ELP4: variants seen among roughly 807,000 people sequenced by gnomAD.
ELP4 encodes elongator acetyltransferase complex subunit 4.
In ELP4, 51 loss-of-function variants were observed where a neutral mutation model predicts 48.9. The ratio of observed to expected loss-of-function variants is 1.04; its 90% CI spans 0.83 to 1.32. The LOEUF is 1.32. Among genes scored for constraint, ELP4 ranks in the 40% most tolerant of loss-of-function variants. The pLI is 0.00. For missense variants in ELP4, 519 were observed against 514.6 expected, an observed-to-expected ratio of 1.01 and a Z score of -0.08; for synonymous variants, 210 against 189.2, an observed-to-expected ratio of 1.11 and a Z score of -0.90.
chr11:31,678,509 G>A (rs199709404), intron 9 of ELP4, among the ~76,000 whole-genome samples: 6,469 of 126,354 alleles, frequency 0.051, 230 homozygotes, highest in East Asian at 0.19. Context: ...GTGTGTGTGT[G>A]TGTGTGTGTG....
At chr11:31,671,308 T>C (rs1308443434) in intron 9 of ELP4, among the ~76,000 whole-genome samples, 2 of 152,060 alleles carry the variant, frequency 1.3e-5, no homozygotes, top group Non-Finnish European at 2.9e-5. Flanking sequence ...AGATCAATTT[T>C]GTAGCTCATT....
chr11:31,673,581 AGCC>A (rs1945855174), intron 9 of ELP4, among the ~76,000 whole-genome samples: 1 of 151,800 alleles, frequency 6.6e-6, no homozygotes, highest in Non-Finnish European at 1.5e-5. Flanking sequence ...CTCCTCCCTC[AGCC>A]TCCCAAAATG....
intron 9 of ELP4, among the ~76,000 whole-genome samples, chr11:31,761,337 C>CA (rs568455581): frequency 0.065 from 7,040 of 108,324 alleles, 160 homozygotes; most frequent in Non-Finnish European, 0.074. Context: ...GGCCCTGTCT[C>CA]AAAAAAAAAA....
At chr11:31,575,499 A>G (rs1432366945) in intron 3 of ELP4, among the ~76,000 whole-genome samples, 1 of 152,154 alleles carries the variant, frequency 6.6e-6, no homozygotes, top group Non-Finnish European at 1.5e-5. Flanking sequence ...CAGACTCACC[A>G]AAGTTGAAAT....
chr11:31,516,029 G>A (rs1956105706), intron 1 of ELP4, among the ~76,000 whole-genome samples: 1 of 151,600 alleles, frequency 6.6e-6, no homozygotes, highest in African/African-American at 2.4e-5. Context: ...GAGAATGGGG[G>A]GTGAAACCAG....
intron 7 of ELP4, chr11:31,633,377 CAAG>C (rs1251193436): frequency 6.6e-6 from 1 of 151,954 alleles, no homozygotes; most frequent in Non-Finnish European, 1.5e-5. Context: ...TCACCTGAGG[CAAG>C]AAGTTCAGCC....
chr11:31,674,200 C>G (rs571301494), intron 9 of ELP4, among the ~76,000 whole-genome samples: 4 of 152,310 alleles, frequency 2.6e-5, no homozygotes, highest in African/African-American at 9.6e-5. Context: ...TGTGTGGAAT[C>G]TCTTGAAATT....
chr11:31,532,026 A>C (rs1035951789), intron 2 of ELP4, among the ~76,000 whole-genome samples: 2 of 152,230 alleles, frequency 1.3e-5, no homozygotes, highest in Admixed American at 1.3e-4. Context: ...GCTAACATTT[A>C]TTGACCACTT....
chr11:31,709,458 G>A (rs1366134683), intron 9 of ELP4, among the ~76,000 whole-genome samples: 1 of 152,046 alleles, frequency 6.6e-6, no homozygotes, highest in African/African-American at 2.4e-5. Context: ...TTAAGTATGT[G>A]GAAAGCATTG....
At chr11:31,709,716 A>G (rs186553599) in intron 9 of ELP4, among the ~76,000 whole-genome samples, 105 of 152,346 alleles carry the variant, frequency 6.9e-4, no homozygotes, top group East Asian at 2.7e-3. Flanking sequence ...ATTAAATGAT[A>G]AAATACACAT....
intron 9 of ELP4, chr11:31,651,056 T>A (rs765503884): frequency 6.6e-6 from 1 of 151,720 alleles, no homozygotes; most frequent in Non-Finnish European, 1.5e-5. Context: ...TTGCCACCAA[T>A]AAATTAGCAT....
chr11:31,741,217 G>A (rs1485858285), intron 9 of ELP4, among the ~76,000 whole-genome samples: 1 of 152,154 alleles, frequency 6.6e-6, no homozygotes, highest in Non-Finnish European at 1.5e-5. Context: ...AGCCGAGTTA[G>A]TTGTTTGATT....
At chr11:31,529,730 A>G (rs1255190922) in intron 2 of ELP4, among the ~76,000 whole-genome samples, 1 of 152,226 alleles carries the variant, frequency 6.6e-6, no homozygotes, top group Non-Finnish European at 1.5e-5. Flanking sequence ...TTGTGTAAAC[A>G]AACACAGCTA....
chr11:31,565,050 C>G (rs993693439), intron 3 of ELP4, among the ~76,000 whole-genome samples: 24 of 152,306 alleles, frequency 1.6e-4, no homozygotes, highest in African/African-American at 5.3e-4. Flanking sequence ...TATTTCCTGA[C>G]TTTTTAATGA....
intron 9 of ELP4, among the ~76,000 whole-genome samples, chr11:31,766,898 GA>G (rs1157653313): frequency 1.3e-5 from 2 of 151,676 alleles, no homozygotes; most frequent in Non-Finnish European, 2.9e-5. Context: ...AAAAACAGAA[GA>G]AAAAATGCCA....
intron 9 of ELP4, among the ~76,000 whole-genome samples, chr11:31,666,645 T>C (rs575511543): frequency 4.0e-5 from 6 of 149,476 alleles, no homozygotes; most frequent in African/African-American, 1.2e-4. Flanking sequence ...TGAGCCGAGA[T>C]TGCGCCACTG....
chr11:31,700,842 A>G (rs1163289172), intron 9 of ELP4, among the ~76,000 whole-genome samples: 1 of 152,068 alleles, frequency 6.6e-6, no homozygotes, highest in Non-Finnish European at 1.5e-5. Flanking sequence ...TTGGTATGCA[A>G]TGAGAATGTA....
intron 7 of ELP4, chr11:31,637,212 T>C (rs1325440779): frequency 1.3e-5 from 2 of 151,688 alleles, no homozygotes; most frequent in African/African-American, 2.4e-5. Context: ...TCCATGTTAA[T>C]AGTTAATTGG....
chr11:31,594,685 T>G, intron 3 of ELP4, 85 bp from the exon 4 acceptor site: 1 of 866,598 alleles, frequency 1.2e-6, no homozygotes, highest in South Asian at 2.6e-5. Context: ...ACATTGGAAA[T>G]TTCTAGTGTT....
Sources: gnomAD v4.1 joint callset for allele counts (sites outside exome capture counted in the v4.1 genomes callset) on GRCh38, gnomAD v4.1.1 for gene constraint, MANE v1.5 for transcripts, NCBI Gene and HGNC (gene_info 2026-07-23, HGNC 2026-07-21) for gene names.